The following SLC12A1 variants were observed in gnomAD, a reference collection of about 807,000 sequenced individuals.
SLC12A1 encodes the protein solute carrier family 12 member 1.
SLC12A1 carries 89 observed loss-of-function variants against 130.4 expected under a neutral mutation model. The ratio of observed to expected loss-of-function variants is 0.68; its 90% CI spans 0.58 to 0.81. SLC12A1 has a LOEUF of 0.81. Ranked by LOEUF, SLC12A1 falls within the 40% of genes least tolerant of loss-of-function variation. SLC12A1 has a pLI of 0.00. For missense variants in SLC12A1, 1,310 were observed against 1,336.4 expected (o/e 0.98, Z 0.31); for synonymous variants, 499 against 460.0 (o/e 1.08, Z -1.09).
intron 24 of SLC12A1, among the ~76,000 whole-genome samples, chr15:48,298,598 T>G (rs1162301930): frequency 6.6e-6 from 1 of 152,232 alleles, no homozygotes; most frequent in African/African-American, 2.4e-5. Flanking sequence ...TCTACAATCA[T>G]TAAACTTGTG....
intron 13 of SLC12A1, among the ~76,000 whole-genome samples, chr15:48,248,596 T>C (rs8029997): frequency 0.35 from 53,826 of 152,118 alleles, 12,960 homozygotes; most frequent in African/African-American, 0.67. Context: ...ATTTGCATCA[T>C]TGCATCATTT....
At chr15:48,223,937 GA>G (rs2041249430) in intron 4 of SLC12A1, 1 of 152,320 alleles carries the variant, frequency 6.6e-6, no homozygotes, top group African/African-American at 2.4e-5. Flanking sequence ...AAAAAGCCTA[GA>G]GGCTGCTGTT....
chr15:48,236,481 T>G (rs1485362982), intron 9 of SLC12A1, among the ~76,000 whole-genome samples: 1 of 152,144 alleles, frequency 6.6e-6, no homozygotes, highest in African/African-American at 2.4e-5. Flanking sequence ...CTCAATCACC[T>G]TGAAGGCAAA....
rs537641866 is a variant in SLC12A1, at chr15:48,288,495, G to A, written c.2852G>A (p.Arg951His). ...ATCTATGTGGGAGGGAAGATCAACC[G>A]CATTGAAGAAGAAAAAATTGTGTAA... is the stretch of plus-strand genomic sequence containing the variant. ...LRIYVGGKIN[R>H]IEEEKIVMAS... Residue 951 changes from arginine (R) to histidine (H), a missense_variant, in exon 23 of 27, where the codon CGC becomes CAC. Physicochemically the swap from Arg to His is conservative, Grantham distance 29. Coordinates refer to ENST00000380993, the MANE Select transcript of SLC12A1 (RefSeq NM_000338.3). 37 of 1,541,204 alleles carry A rather than the reference G, an allele frequency of 2.4e-5. No homozygotes were observed. The East Asian group carries it at 3.6e-4, about 15-fold the overall frequency.
Position 48,288,087 on chromosome 15 carries a change from A to C in SLC12A1, c.2674A>C (p.Asn892His). Residue 892 changes from asparagine to histidine, a missense_variant, in exon 22 of 27, where the codon AAC becomes CAC. Coordinates refer to ENST00000380993, the MANE Select transcript of SLC12A1 (RefSeq NM_000338.3). ...CCAGTCGATGCATGTGGGAGAGTTC[A>C]ACCAGAAACTGGTGGAAGCCAGCAC... ...TSQSMHVGEF[N>H]QKLVEASTQF... 6.2e-7 allele frequency: 1 copy of C among 1,611,168 alleles called. No homozygotes were observed. Among genetic ancestry groups the C allele is most frequent in the Non-Finnish European group, 8.5e-7 (1 of 1,178,622 alleles).
chr15:48,246,637 G>A (rs1019289188), intron 11 of SLC12A1, among the ~76,000 whole-genome samples: 3 of 152,122 alleles, frequency 2.0e-5, no homozygotes, highest in East Asian at 3.9e-4. Flanking sequence ...AAAAATTAGC[G>A]AGGCGTGGTA....
At chr15:48,261,635 GA>G (rs1460279391) in intron 17 of SLC12A1, among the ~76,000 whole-genome samples, 1 of 152,204 alleles carries the variant, frequency 6.6e-6, no homozygotes, top group East Asian at 1.9e-4. Context: ...CAAAGAAACA[GA>G]TGGAAGGGGA....
chr15:48,269,509 C>T lies in SLC12A1; in HGVS notation c.2296-149C>T, dbSNP rs889433845. The T allele has an allele frequency of 3.5e-5, 15 of 433,756 alleles. 1 individual carries two copies. The highest frequency in any genetic ancestry group is 2.7e-4 in the Admixed American group (7 of 26,062). The allele number at this position is 433,756 out of a possible 1,614,324, so 26.9% of individuals were successfully genotyped here. A position where few individuals can be genotyped will look rare whatever the true frequency, so the allele number is the denominator to read the frequency against. ...AATCTTTCCATTTTATGCTTGGGTA[C>T]GGGCATGAAGGACATGCACTAAAAT... On this transcript the variant is annotated intron_variant, in intron 18 of 26. Coordinates refer to ENST00000380993, the MANE Select transcript of SLC12A1 (RefSeq NM_000338.3).
At chr15:48,281,089 G>A (rs1474181268) in intron 20 of SLC12A1, among the ~76,000 whole-genome samples, 2 of 152,164 alleles carry the variant, frequency 1.3e-5, no homozygotes, top group African/African-American at 4.8e-5. Context: ...CAAGCATAGC[G>A]TTTGGAATAG....
At position 48,292,607 on chromosome 15, in the gene SLC12A1, G is replaced by A. The variant is rs145372244; in HGVS notation, c.2960+743G>A. ...GACATTTATTTCTCACAGTTCTGGC[G>A]AAGTTCTGGGAAGTCCCAGTTCAAG... On this transcript the variant is annotated intron_variant, in intron 24 of 26. Coordinates refer to ENST00000380993, the MANE Select transcript of SLC12A1 (RefSeq NM_000338.3). Among the ~76,000 whole-genome samples, 85 of 152,266 alleles carry A rather than the reference G, an allele frequency of 5.6e-4. No individual in the cohort carries two copies. The East Asian group carries it at 9.8e-3, about 18-fold the overall frequency.
chr15:48,300,526 T>A (rs1247632973), intron 25 of SLC12A1, among the ~76,000 whole-genome samples: 1 of 152,032 alleles, frequency 6.6e-6, no homozygotes, highest in Non-Finnish European at 1.5e-5. Context: ...ATGCCCTACA[T>A]AAACCACATT....
At chr15:48,252,696 G>T (rs1048390803) in intron 15 of SLC12A1, among the ~76,000 whole-genome samples, 3 of 150,972 alleles carry the variant, frequency 2.0e-5, no homozygotes, top group Middle Eastern at 3.4e-3. Context: ...TAAATGAGGG[G>T]TTTTTTAAAT....
chr15:48,301,502 T>TGGG (rs1555387784), intron 26 of SLC12A1, 120 bp downstream of exon 26: 12 of 439,804 alleles, frequency 2.7e-5, no homozygotes, highest in South Asian at 1.8e-4. Flanking sequence ...GTGTTTTTTT[T>TGGG]GGGGGGGGGA....
chr15:48,220,585 C>A, intron 2 of SLC12A1, 49 bp from the exon 3 acceptor site: 1 of 1,554,316 alleles, frequency 6.4e-7, no homozygotes, highest in Non-Finnish European at 8.7e-7. Flanking sequence ...TTCATGGAAC[C>A]CTTTGTTCAT....
At chr15:48,286,492 A>G (rs2042061700) in intron 21 of SLC12A1, among the ~76,000 whole-genome samples, 1 of 152,214 alleles carries the variant, frequency 6.6e-6, no homozygotes, top group East Asian at 1.9e-4. Flanking sequence ...TTAACAATCC[A>G]TTAAATCTGC....
At chr15:48,237,451 G>C (rs974625590) in intron 9 of SLC12A1, 4 of 152,464 alleles carry the variant, frequency 2.6e-5, no homozygotes, top group African/African-American at 9.7e-5. Context: ...TTCAAAATAA[G>C]TGTTAACTTG....
intron 11 of SLC12A1, 36 bp downstream of exon 11, chr15:48,244,940 A>G: frequency 6.2e-7 from 1 of 1,600,658 alleles, no homozygotes; most frequent in African/African-American, 1.3e-5. Context: ...CACTGCTATT[A>G]TTTTCATTTT....
intron 24 of SLC12A1, among the ~76,000 whole-genome samples, chr15:48,294,899 TTTTATTTATTTA>T (rs6145555): frequency 2.7e-5 from 4 of 147,354 alleles, no homozygotes; most frequent in African/African-American, 1.0e-4. Context: ...CTTCTTTTTA[TTTTATTTATTTA>T]TTTATTTATT....
In SLC12A1 at chr15:48,258,144, G is replaced by A. The variant is rs1432315379; in HGVS notation, c.2043-1056G>A. 4.2e-5 allele frequency among the ~76,000 whole-genome samples: 3 copies of A among 70,982 alleles called. 1 individual carries two copies. The highest frequency in any genetic ancestry group is 7.5e-4 in the South Asian group (2 of 2,676). 46.6% of individuals were successfully genotyped at this position (70,982 alleles called of 152,430 possible). On this transcript the variant is annotated intron_variant, in intron 16 of 26. Transcript: ENST00000380993. ...TGGGAGGCCGAGGCGGGCGGATCAC[G>A]AGGTCAGGAGATCGAGACCATCCCG...
Sources: allele counts gnomAD v4.1 joint callset (sites outside exome capture counted in the v4.1 genomes callset), GRCh38; gene constraint gnomAD v4.1.1; transcripts MANE v1.5; gene names NCBI Gene and HGNC (gene_info 2026-07-23, HGNC 2026-07-21).